Variants in SEMA3A observed in about 807,000 individuals in gnomAD.
The protein encoded by SEMA3A is semaphorin 3A.
SEMA3A carries 29 observed loss-of-function variants against 97.9 expected under a neutral mutation model. The observed-to-expected ratio is 0.30, with a 90% confidence interval of 0.22 to 0.40. The LOEUF (loss-of-function observed/expected upper bound fraction) is 0.40. Ranked by LOEUF, SEMA3A falls within the 10% of genes least tolerant of loss-of-function variation. The probability of loss-of-function intolerance (pLI) is 1.00; values close to 1 mark genes in which losing one functional copy is unlikely to be tolerated. For synonymous variants in SEMA3A, 321 were observed against 323.7 expected (o/e 0.99, Z 0.09); for missense variants, 763 against 951.3 (o/e 0.80, Z 2.60).
chr7:84,239,029 G>A (rs1799300150), intron 3 of SEMA3A, among the ~76,000 whole-genome samples: 1 of 152,026 alleles, frequency 6.6e-6, no homozygotes, highest in Non-Finnish European at 1.5e-5. Context: ...AAACTACAAT[G>A]ATTTAAAGCC....
At chr7:84,247,710 G>A (rs1029763994) in intron 3 of SEMA3A, among the ~76,000 whole-genome samples, 12 of 152,130 alleles carry the variant, frequency 7.9e-5, no homozygotes, top group African/African-American at 2.9e-4. Flanking sequence ...ACTGGAGAGT[G>A]CGTAAACCAT....
chr7:83,968,131 A>G (rs1014740920), intron 15 of SEMA3A, among the ~76,000 whole-genome samples: 5 of 152,242 alleles, frequency 3.3e-5, no homozygotes, highest in Non-Finnish European at 5.9e-5. Context: ...AATATAAACA[A>G]AAACTCAACT....
chr7:83,980,395 A>C (rs2116315274), intron 14 of SEMA3A, among the ~76,000 whole-genome samples: 1 of 151,872 alleles, frequency 6.6e-6, no homozygotes, highest in Admixed American at 6.6e-5. Flanking sequence ...TCACGAGGTT[A>C]GGAGATCGAG....
intron 2 of SEMA3A, among the ~76,000 whole-genome samples, chr7:84,358,433 G>C (rs1286741013): frequency 2.0e-5 from 3 of 152,190 alleles, no homozygotes; most frequent in Non-Finnish European, 4.4e-5. Flanking sequence ...GTTTGTCAAA[G>C]ATCAGATAGT....
intron 1 of SEMA3A, among the ~76,000 whole-genome samples, chr7:84,418,037 C>G (rs1028385307): frequency 1.3e-5 from 2 of 152,090 alleles, no homozygotes; most frequent in African/African-American, 4.8e-5. Context: ...GTCGCCTTGA[C>G]TGGATTGAGG....
At chr7:84,134,060 C>CA in intron 2 of SEMA3A, among the ~76,000 whole-genome samples, 1 of 151,930 alleles carries the variant, frequency 6.6e-6, no homozygotes, top group East Asian at 1.9e-4. Flanking sequence ...GACTCCATCT[C>CA]AAAAAACAAC....
intron 6 of SEMA3A, among the ~76,000 whole-genome samples, chr7:84,019,149 T>C (rs1791223430): frequency 1.3e-5 from 2 of 151,650 alleles, no homozygotes; most frequent in South Asian, 4.2e-4. Flanking sequence ...GTGAGAAAAA[T>C]CATAAAAAAG....
intron 2 of SEMA3A, among the ~76,000 whole-genome samples, chr7:84,314,178 A>G (rs34710529): frequency 0.04 from 6,117 of 152,154 alleles, 182 homozygotes; most frequent in Middle Eastern, 0.078. Context: ...AGACATTTTA[A>G]TAGTCTGATG....
At chr7:84,210,884 T>C (rs1047063557) in intron 3 of SEMA3A, among the ~76,000 whole-genome samples, 1 of 152,150 alleles carries the variant, frequency 6.6e-6, no homozygotes, top group African/African-American at 2.4e-5. Context: ...AGTGGTAACA[T>C]TACGTATCTG....
At chr7:84,028,300 T>G (rs1158665175) in intron 6 of SEMA3A, among the ~76,000 whole-genome samples, 2 of 152,176 alleles carry the variant, frequency 1.3e-5, no homozygotes, top group Non-Finnish European at 2.9e-5. Context: ...TTTTTAACAT[T>G]CAGGAAAGGT....
intron 1 of SEMA3A, among the ~76,000 whole-genome samples, chr7:84,144,359 T>C (rs1428903459): frequency 6.6e-6 from 1 of 151,876 alleles, no homozygotes; most frequent in Admixed American, 6.6e-5. Flanking sequence ...GCACAAGAAA[T>C]AGAGGCTTAA....
At chr7:84,402,409 G>C (rs957333286) in intron 1 of SEMA3A, among the ~76,000 whole-genome samples, 1 of 152,102 alleles carries the variant, frequency 6.6e-6, no homozygotes, top group Admixed American at 6.5e-5. Flanking sequence ...ATATAAATTA[G>C]TACAGCCATT....
rs572916846 is a variant in SEMA3A, at chr7:83,986,454, T to C, written c.1453-977A>G. Among the ~76,000 whole-genome samples, 3 of 152,292 alleles carry C rather than the reference T, an allele frequency of 2.0e-5. No homozygotes were observed. In the South Asian group the frequency reaches 6.2e-4, roughly 32 times the overall value. ...ATGAATGCATATAGGCTTGCATAAA[T>C]AAATTGGGTTCTTTGATGTAGACAG... On this transcript the variant is annotated intron_variant, in intron 12 of 16. Coordinates refer to ENST00000265362, the MANE Select transcript of SEMA3A (RefSeq NM_006080.3).
intron 1 of SEMA3A, among the ~76,000 whole-genome samples, chr7:84,408,127 T>G (rs541368884): frequency 1.3e-5 from 2 of 151,660 alleles, no homozygotes; most frequent in Non-Finnish European, 2.9e-5. Context: ...TGGGAGAAAA[T>G]TTTGCAACCT....
intron 3 of SEMA3A, among the ~76,000 whole-genome samples, chr7:84,274,037 G>T (rs1302516953): frequency 2.0e-5 from 3 of 151,818 alleles, no homozygotes; most frequent in Non-Finnish European, 2.9e-5. Context: ...TTATTTTCTT[G>T]ACATAGAATT....
chr7:84,311,751 T>C (rs1032226528), intron 2 of SEMA3A, among the ~76,000 whole-genome samples: 1 of 151,946 alleles, frequency 6.6e-6, no homozygotes, highest in African/African-American at 2.4e-5. Flanking sequence ...GTCTATTAAT[T>C]TACCTCTCAA....
chr7:84,125,822 A>C (rs1381944568), intron 3 of SEMA3A, among the ~76,000 whole-genome samples: 1 of 152,234 alleles, frequency 6.6e-6, no homozygotes, highest in African/African-American at 2.4e-5. Flanking sequence ...TATCTCAGCC[A>C]TTGAATGAGT....
At chr7:84,277,476 A>G (rs1433171802) in intron 3 of SEMA3A, among the ~76,000 whole-genome samples, 1 of 152,174 alleles carries the variant, frequency 6.6e-6, no homozygotes, top group East Asian at 1.9e-4. Flanking sequence ...TTCGACGGAA[A>G]GAAATCAGTG....
At chr7:84,145,653 T>A (rs1796442582) in intron 1 of SEMA3A, among the ~76,000 whole-genome samples, 1 of 152,194 alleles carries the variant, frequency 6.6e-6, no homozygotes. Context: ...ACTGTTATGG[T>A]TGTTTTACAT....
Sources: gnomAD v4.1 joint callset for allele counts (sites outside exome capture counted in the v4.1 genomes callset) on GRCh38, gnomAD v4.1.1 for gene constraint, MANE v1.5 for transcripts, NCBI Gene and HGNC (gene_info 2026-07-23, HGNC 2026-07-21) for gene names.